Variants in MDM1 observed in about 807,000 individuals in gnomAD.
The protein encoded by MDM1 is stabilizer of axonemal microtubules 6.
A neutral mutation model predicts 89.1 loss-of-function variants in MDM1; 61 were observed. The observed-to-expected ratio is 0.68, with a 90% CI of 0.56 to 0.85. The LOEUF is 0.85. Ranked by LOEUF, MDM1 falls within the 40% of genes least tolerant of loss-of-function variation. The pLI, the probability that MDM1 is intolerant of heterozygous loss-of-function variation, is 0.00. For synonymous variants in MDM1, 290 were observed against 294.1 expected (o/e 0.99, Z 0.14); for missense variants, 820 against 846.5 (o/e 0.97, Z 0.39).
In MDM1 at chr12:68,312,940, C is replaced by T. The variant is rs1482247856; in HGVS notation, c.1749+503G>A. Reference sequence around the variant, plus strand: ...ACCTTTTTCAGATCCTGCTTAAATGCCACTCTCGCACCGAGGACTTCCCTG... The same window carrying T: ...ACCTTTTTCAGATCCTGCTTAAATGTCACTCTCGCACCGAGGACTTCCCTG... On this transcript the variant is annotated intron_variant, in intron 12 of 14. Transcript: ENST00000682720. Among the ~76,000 whole-genome samples the T allele has an allele frequency of 3.3e-5, 5 of 152,294 alleles. No homozygotes were observed. The South Asian group carries it at 6.2e-4, about 19-fold the overall frequency.
At chr12:68,307,216 G>C (rs529932335) in intron 12 of MDM1, among the ~76,000 whole-genome samples, 2 of 152,334 alleles carry the variant, frequency 1.3e-5, no homozygotes, top group African/African-American at 4.8e-5. Flanking sequence ...GGGTGCAAGA[G>C]TTGAAAACCT....
chr12:68,325,597 C>G, intron 3 of MDM1, 22 bp from the exon 4 acceptor site: 1 of 1,482,738 alleles, frequency 6.7e-7, no homozygotes, highest in Non-Finnish European at 9.0e-7. Context: ...ACAAAATCCA[C>G]TCAAAGACAT....
At position 68,331,182 on chromosome 12, in the gene MDM1, A is replaced by G. The variant is rs1565790338; in HGVS notation, c.58T>C (p.Ser20Pro). Residue 20 changes from serine (S) to proline (P), a missense_variant, in exon 2 of 15, where the codon TCT (serine) becomes CCT (proline). Transcript: ENST00000682720. ...EYQRNFLWKKSYLSESCNSSV... is the reference protein window; with the variant it reads ...EYQRNFLWKKPYLSESCNSSV... Reference sequence around the variant, plus strand: ...GAATTACAAGACTCGGACAAATAAGACTTTTTCCACAGGAAGTTCCTCTGG... The same window carrying G: ...GAATTACAAGACTCGGACAAATAAGGCTTTTTCCACAGGAAGTTCCTCTGG... 1 of 1,611,198 alleles carries G rather than the reference A, an allele frequency of 6.2e-7. No individual in the cohort carries two copies. The highest frequency in any genetic ancestry group is 2.2e-5 in the East Asian group (1 of 44,882).
At chr12:68,296,601 T>A (rs1011644364) in intron 14 of MDM1, among the ~76,000 whole-genome samples, 9 of 152,232 alleles carry the variant, frequency 5.9e-5, no homozygotes, top group African/African-American at 1.9e-4. Flanking sequence ...GGCATTTTTT[T>A]AAAAGATGGA....
At chr12:68,299,096 G>A (rs905005707) in intron 13 of MDM1, among the ~76,000 whole-genome samples, 2 of 151,664 alleles carry the variant, frequency 1.3e-5, no homozygotes, top group African/African-American at 4.9e-5. Flanking sequence ...AATCATTAAG[G>A]TCACATTCTT....
intron 4 of MDM1, chr12:68,325,169 T>TA: frequency 2.7e-5 from 29 of 1,063,180 alleles, no homozygotes; most frequent in Non-Finnish European, 3.3e-5. Flanking sequence ...TGCAAAAACT[T>TA]ACCAGTTCCC....
rs1434914479 is a variant in MDM1 at position 68,313,683 on chromosome 12, T to C, written c.1600A>G (p.Ile534Val). 1 of 1,614,192 alleles carries C rather than the reference T, an allele frequency of 6.2e-7. No homozygotes were observed. The highest frequency in any genetic ancestry group is 2.2e-5 in the East Asian group (1 of 44,882). Residue 534 changes from isoleucine to valine, a missense_variant, in exon 11 of 15, where the codon ATC becomes GTC. Ile to Val is a conservative substitution (Grantham distance 29, BLOSUM62 3). Coordinates refer to ENST00000682720, the MANE Select transcript of MDM1 (RefSeq NM_001354969.2). ...PTPKLRELGG[I>V]QRTHHDLTTP... is the part of the protein sequence containing the mutation. The stretch of plus-strand genomic sequence containing the variant: ...GTGAGATCATGATGAGTCCTCTGGA[T>C]TCCACCAAGTTCTCTCAGCTTGGGA...
chr12:68,308,181 A>G (rs900355497), intron 12 of MDM1, among the ~76,000 whole-genome samples: 33 of 146,906 alleles, frequency 2.2e-4, no homozygotes, highest in Admixed American at 2.0e-3. Flanking sequence ...GCTGGAGTGC[A>G]GTGGCGCGAT....
intron 7 of MDM1, among the ~76,000 whole-genome samples, chr12:68,317,006 A>G (rs892242078): frequency 6.6e-6 from 1 of 152,170 alleles, no homozygotes; most frequent in African/African-American, 2.4e-5. Context: ...AAATTCCTCA[A>G]TATTCCCTTG....
At chr12:68,326,551 A>T in intron 3 of MDM1, 106 bp downstream of exon 3, 1 of 1,610,142 alleles carries the variant, frequency 6.2e-7, no homozygotes, top group Non-Finnish European at 8.5e-7. Flanking sequence ...AGACAAGAAA[A>T]CAACAATGGA....
At position 68,332,285 on chromosome 12, in the gene MDM1, C is replaced by A. The variant is rs1484505750; in HGVS notation, c.-40G>T. 1 of 1,572,948 alleles carries A rather than the reference C, an allele frequency of 6.4e-7. No individual in the cohort carries two copies. Among genetic ancestry groups the A allele is most frequent in the South Asian group, 1.2e-5 (1 of 85,858 alleles). ...GAGCCCCCGCTACTCCGACAGTTAA[C>A]TGGAGAAAAAGCTCCGAGGGGGCGG... On this transcript the variant is annotated 5_prime_UTR_variant, in exon 1 of 15. Coordinates refer to ENST00000682720, the MANE Select transcript of MDM1 (RefSeq NM_001354969.2).
At chr12:68,298,811 C>T (rs1871759536) in intron 13 of MDM1, among the ~76,000 whole-genome samples, 1 of 152,090 alleles carries the variant, frequency 6.6e-6, no homozygotes, top group South Asian at 2.1e-4. Flanking sequence ...CCCCTAATGG[C>T]CTGAAGCCTG....
chr12:68,325,600 A>G (rs1381455998), intron 3 of MDM1, 25 bp from the exon 4 acceptor site: 15 of 1,481,498 alleles, frequency 1.0e-5, no homozygotes, highest in Admixed American at 4.9e-5. Flanking sequence ...AAATCCACTC[A>G]AAGACATTAA....
rs1371172477 is a variant in MDM1 at position 68,327,266 on chromosome 12, T to C, written c.134-245A>G. 15 of 1,408,548 alleles carry C rather than the reference T, an allele frequency of 1.1e-5. No individual in the cohort carries two copies. In the East Asian group the frequency reaches 3.3e-4, roughly 31 times the overall value. 87.3% of individuals were successfully genotyped at this position (1,408,548 alleles called of 1,614,324 possible). A position where few individuals can be genotyped will look rare whatever the true frequency, so the allele number is the denominator to read the frequency against. On this transcript the variant is annotated intron_variant, in intron 2 of 14. Coordinates refer to ENST00000682720, the MANE Select transcript of MDM1 (RefSeq NM_001354969.2). ...TAACAAAAAATTAAAAATCAGGGGG[T>C]CACAAAATGTTCCAGTTATCCTAAC...
chr12:68,315,265 T>C lies in MDM1; in HGVS notation c.1212A>G (p.Gly404=). The C allele has an allele frequency of 6.3e-7, 1 of 1,598,854 alleles. No individual in the cohort carries two copies. The highest frequency in any genetic ancestry group is 8.5e-7 in the Non-Finnish European group (1 of 1,172,338). Residue 404 remains glycine (G), a splice_region_variant and synonymous_variant, in exon 10 of 15, where the codon GGA becomes GGG. Coordinates refer to ENST00000682720, the MANE Select transcript of MDM1 (RefSeq NM_001354969.2). ...GCAAAGTCTTATGGCTTGTAGGATCTCTGCGTAACAAAATCAATTTTATTT... is the reference window on the plus strand; with the variant it reads ...GCAAAGTCTTATGGCTTGTAGGATCCCTGCGTAACAAAATCAATTTTATTT... ...SSNIRALDLA[G]DPTSHKTLQK... is the part of the protein sequence containing the mutation.
At chr12:68,321,751 C>A in intron 5 of MDM1, 123 bp from the exon 6 acceptor site, 1 of 546,096 alleles carries the variant, frequency 1.8e-6, no homozygotes, top group Non-Finnish European at 3.0e-6. Context: ...GCTTTAGATA[C>A]TAAAGAAAAT....
Position 68,295,491 on chromosome 12 carries a change from A to G in MDM1, c.2063-125T>C, listed in dbSNP as rs1592932230. The G allele has an allele frequency of 8.2e-6, 5 of 606,522 alleles. No homozygotes were observed. The East Asian group carries it at 1.6e-4, about 19-fold the overall frequency. The allele number at this position is 606,522 out of a possible 1,614,324, so 37.6% of individuals were successfully genotyped here. A position where few individuals can be genotyped will look rare whatever the true frequency, so the allele number is the denominator to read the frequency against. On this transcript the variant is annotated intron_variant, in intron 14 of 14. Transcript: ENST00000682720. The stretch of plus-strand genomic sequence containing the variant: ...TTATCAATGTCAAGTTAGTCAGGAA[A>G]AAAAGTAATCTACTGAAATGTAAGA...
chr12:68,307,286 G>T (rs1873026798), intron 12 of MDM1, among the ~76,000 whole-genome samples: 1 of 152,148 alleles, frequency 6.6e-6, no homozygotes, highest in South Asian at 2.1e-4. Context: ...CCAAACCCCA[G>T]CATTACACAA....
At position 68,332,279 on chromosome 12, in the gene MDM1, A is replaced by G; in HGVS notation, c.-34T>C. The G allele has an allele frequency of 6.3e-7, 1 of 1,576,706 alleles. No individual in the cohort carries two copies. The highest frequency in any genetic ancestry group is 8.6e-7 in the Non-Finnish European group (1 of 1,161,974). ...GCGCCGGAGCCCCCGCTACTCCGAC[A>G]GTTAACTGGAGAAAAAGCTCCGAGG... On this transcript the variant is annotated 5_prime_UTR_variant, in exon 1 of 15. Coordinates refer to ENST00000682720, the MANE Select transcript of MDM1 (RefSeq NM_001354969.2).
Sources: allele counts gnomAD v4.1 joint callset (sites outside exome capture counted in the v4.1 genomes callset), GRCh38; gene constraint gnomAD v4.1.1; transcripts MANE v1.5; gene names NCBI Gene and HGNC (gene_info 2026-07-23, HGNC 2026-07-21).